Variants in NAALADL2 observed in about 807,000 individuals in gnomAD.
NAALADL2 encodes inactive N-acetylated-alpha-linked acidic dipeptidase-like protein 2.
NAALADL2 carries 76 observed loss-of-function variants against 87.2 expected under a neutral mutation model. The observed-to-expected ratio is 0.87, with a 90% CI of 0.72 to 1.05. The LOEUF (loss-of-function observed/expected upper bound fraction) is 1.05, where lower values mean the gene tolerates loss of function less well. Among genes scored for constraint, NAALADL2 ranks in the 50% least tolerant of loss-of-function variants. The pLI, the probability that NAALADL2 is intolerant of heterozygous loss-of-function variation, is 0.00. For synonymous variants in NAALADL2, 354 were observed against 331.0 expected, an observed-to-expected ratio of 1.07 and a Z score of -0.75; for missense variants, 1,089 against 945.8, an observed-to-expected ratio of 1.15 and a Z score of -1.99.
chr3:175,615,330 A>C (rs770651365), intron 10 of NAALADL2, among the ~76,000 whole-genome samples: 3 of 152,122 alleles, frequency 2.0e-5, no homozygotes, highest in Non-Finnish European at 4.4e-5. Flanking sequence ...CTTAATCTGC[A>C]TATTGGGAAA....
intron 1 of NAALADL2, among the ~76,000 whole-genome samples, chr3:174,936,858 AG>A (rs1737768381): frequency 6.6e-6 from 1 of 152,130 alleles, no homozygotes; most frequent in African/African-American, 2.4e-5. Flanking sequence ...GAGTTTGCAG[AG>A]GGACATAAGG....
chr3:175,589,672 T>C (rs1199642449), intron 10 of NAALADL2, among the ~76,000 whole-genome samples: 1 of 151,960 alleles, frequency 6.6e-6, no homozygotes, highest in East Asian at 1.9e-4. Flanking sequence ...GTTTTGTTAT[T>C]ATAAGAAACC....
chr3:175,575,563 G>A (rs1021756237), intron 9 of NAALADL2, among the ~76,000 whole-genome samples: 1 of 151,982 alleles, frequency 6.6e-6, no homozygotes, highest in African/African-American at 2.4e-5. Flanking sequence ...GGGATTACAG[G>A]GGTGAGCCAC....
At chr3:175,719,547 T>C (rs147243448) in intron 11 of NAALADL2, among the ~76,000 whole-genome samples, 2 of 152,296 alleles carry the variant, frequency 1.3e-5, no homozygotes, top group Admixed American at 1.3e-4. Flanking sequence ...CTGTTACAAA[T>C]GCAAACTGCT....
intron 4 of NAALADL2, among the ~76,000 whole-genome samples, chr3:175,305,001 T>G (rs114376561): frequency 0.011 from 1,647 of 152,238 alleles, 41 homozygotes; most frequent in African/African-American, 0.037. Flanking sequence ...GTTCCAAAAG[T>G]TTCATTGTTA....
intron 1 of NAALADL2, among the ~76,000 whole-genome samples, chr3:175,007,392 G>T (rs1480128948): frequency 1.3e-5 from 2 of 152,116 alleles, no homozygotes; most frequent in African/African-American, 4.8e-5. Flanking sequence ...AACCCTGAAG[G>T]AAGAACAACC....
chr3:174,586,043 G>A (rs1716680410), intron 2 of NAALADL2, among the ~76,000 whole-genome samples: 1 of 152,180 alleles, frequency 6.6e-6, no homozygotes, highest in Admixed American at 6.5e-5. Flanking sequence ...TACATAGCAA[G>A]CTCTTTACAG....
chr3:174,614,853 C>A (rs1180464515), intron 2 of NAALADL2, among the ~76,000 whole-genome samples: 1 of 151,996 alleles, frequency 6.6e-6, no homozygotes, highest in African/African-American at 2.4e-5. Flanking sequence ...TGTCTAAAAT[C>A]TGAATTAATC....
chr3:174,876,529 A>G (rs1483006120), intron 1 of NAALADL2, among the ~76,000 whole-genome samples: 1 of 152,166 alleles, frequency 6.6e-6, no homozygotes, highest in Non-Finnish European at 1.5e-5. Context: ...GTTTTGTGTG[A>G]TATCATCTGC....
chr3:175,779,292 C>A (rs1175199566), intron 13 of NAALADL2, among the ~76,000 whole-genome samples: 2 of 152,102 alleles, frequency 1.3e-5, no homozygotes, highest in East Asian at 3.9e-4. Context: ...AACAAATAGG[C>A]CAAAGCAGCC....
chr3:175,288,441 C>G (rs1402732431), intron 4 of NAALADL2, among the ~76,000 whole-genome samples: 1 of 152,166 alleles, frequency 6.6e-6, no homozygotes, highest in Non-Finnish European at 1.5e-5. Flanking sequence ...ATAGCCCAGT[C>G]AAGCCAACAC....
chr3:175,023,172 A>T (rs150425709), intron 1 of NAALADL2, among the ~76,000 whole-genome samples: 3 of 152,258 alleles, frequency 2.0e-5, no homozygotes, highest in Non-Finnish European at 1.5e-5. Context: ...GAGATGTAGA[A>T]TACAAATATA....
intron 3 of NAALADL2, among the ~76,000 whole-genome samples, chr3:174,750,671 T>C (rs1169238481): frequency 6.6e-6 from 1 of 152,146 alleles, no homozygotes; most frequent in Non-Finnish European, 1.5e-5. Flanking sequence ...TGACCTCTGG[T>C]GATCCACCCG....
At chr3:175,304,787 T>C (rs1757493248) in intron 4 of NAALADL2, among the ~76,000 whole-genome samples, 1 of 152,238 alleles carries the variant, frequency 6.6e-6, no homozygotes, top group Admixed American at 6.5e-5. Flanking sequence ...CTGCAGATAC[T>C]ATAATGTGCA....
intron 9 of NAALADL2, among the ~76,000 whole-genome samples, chr3:175,544,915 C>T (rs1018658244): frequency 9.9e-5 from 15 of 152,232 alleles, no homozygotes; most frequent in East Asian, 1.9e-4. Context: ...AAATCATCTC[C>T]GGCAAGCCTT....
intron 11 of NAALADL2, among the ~76,000 whole-genome samples, chr3:175,728,540 G>C (rs1193278135): frequency 1.3e-5 from 2 of 152,050 alleles, no homozygotes; most frequent in Non-Finnish European, 2.9e-5. Flanking sequence ...CACTCTTCTT[G>C]CCCATGGCTG....
At chr3:174,829,354 G>A (rs1473025478) in intron 3 of NAALADL2, among the ~76,000 whole-genome samples, 1 of 150,544 alleles carries the variant, frequency 6.6e-6, no homozygotes, top group African/African-American at 2.5e-5. Context: ...CTATGAGTGA[G>A]AATATGCGGT....
At chr3:175,790,599 C>CT (rs769914106) in intron 13 of NAALADL2, among the ~76,000 whole-genome samples, 1 of 152,212 alleles carries the variant, frequency 6.6e-6, no homozygotes, top group Non-Finnish European at 1.5e-5. Context: ...GATGCAACGT[C>CT]TAAGATTCCT....
intron 2 of NAALADL2, among the ~76,000 whole-genome samples, chr3:174,639,669 T>C (rs2108725981): frequency 6.6e-6 from 1 of 152,256 alleles, no homozygotes; most frequent in Admixed American, 6.5e-5. Flanking sequence ...TTGCATACAG[T>C]CCAGTGATCT....
Sources: gnomAD v4.1 joint callset for allele counts (sites outside exome capture counted in the v4.1 genomes callset) on GRCh38, gnomAD v4.1.1 for gene constraint, MANE v1.5 for transcripts, NCBI Gene and HGNC (gene_info 2026-07-23, HGNC 2026-07-21) for gene names.